Variants in DLC1 observed in about 807,000 individuals in gnomAD.
DLC1 encodes DLC1 Rho GTPase activating protein.
A neutral mutation model predicts 140.3 loss-of-function variants in DLC1; 54 were observed. The ratio of observed to expected loss-of-function variants is 0.38; its 90% confidence interval spans 0.31 to 0.48. The LOEUF is 0.48. Ranked by LOEUF, DLC1 falls within the 20% of genes least tolerant of loss-of-function variation. DLC1 has a pLI of 0.96. For missense variants in DLC1, 2,536 were observed against 1,907.0 expected, an observed-to-expected ratio of 1.33 and a Z score of -6.14; for synonymous variants, 986 against 728.1, an observed-to-expected ratio of 1.35 and a Z score of -5.70.
intron 1 of DLC1, among the ~76,000 whole-genome samples, chr8:13,536,717 C>G (rs2170396): frequency 0.56 from 85,296 of 151,986 alleles, 24,953 homozygotes; most frequent in East Asian, 0.74. Context: ...CAGCCTTGTA[C>G]AGGGATCTAG....
At chr8:13,233,102 C>T (rs1829123509) in intron 5 of DLC1, among the ~76,000 whole-genome samples, 1 of 151,878 alleles carries the variant, frequency 6.6e-6, no homozygotes, top group Admixed American at 6.6e-5. Flanking sequence ...TGAGACCAGC[C>T]TGGCCAACAT....
chr8:13,499,046 T>C lies in DLC1; in HGVS notation c.1023+3A>G. On this transcript the variant is annotated splice_donor_region_variant and intron_variant, in intron 2 of 17. Coordinates refer to ENST00000276297, the MANE Select transcript of DLC1 (RefSeq NM_182643.3). ...AGCCAGAGAATCTGTGCATATGTCT[T>C]ACCTTTCTCTTACGAAGTCTGACTT... 6.2e-7 allele frequency: 1 copy of C among 1,605,596 alleles called. No individual in the cohort carries two copies. The highest frequency in any genetic ancestry group is 1.1e-5 in the South Asian group (1 of 90,116).
intron 5 of DLC1, among the ~76,000 whole-genome samples, chr8:13,139,954 A>T (rs954511505): frequency 6.6e-6 from 1 of 152,234 alleles, no homozygotes; most frequent in African/African-American, 2.4e-5. Context: ...GTCTAGTAGC[A>T]TTAAGTACAG....
intron 1 of DLC1, among the ~76,000 whole-genome samples, chr8:13,561,688 C>T (rs1006331301): frequency 1.3e-5 from 2 of 152,118 alleles, no homozygotes; most frequent in East Asian, 1.9e-4. Context: ...TAGCAGTTTA[C>T]AGGGAAATTT....
chr8:13,148,403 T>C (rs557822205), intron 5 of DLC1, among the ~76,000 whole-genome samples: 1 of 152,328 alleles, frequency 6.6e-6, no homozygotes, highest in East Asian at 1.9e-4. Flanking sequence ...TCTGTTCCTG[T>C]TAGTTTGCTG....
At chr8:13,454,471 T>C (rs935071987) in intron 2 of DLC1, among the ~76,000 whole-genome samples, 2 of 152,180 alleles carry the variant, frequency 1.3e-5, no homozygotes, top group African/African-American at 4.8e-5. Context: ...ATTTCAACAA[T>C]ACTGCAGAGA....
intron 2 of DLC1, among the ~76,000 whole-genome samples, chr8:13,429,133 G>A (rs774057664): frequency 3.3e-5 from 5 of 152,132 alleles, no homozygotes; most frequent in Admixed American, 6.5e-5. Context: ...CCTCAATGGC[G>A]TTTAAGGTGT....
chr8:13,417,508 A>G (rs1484136048), intron 2 of DLC1, among the ~76,000 whole-genome samples: 11 of 151,466 alleles, frequency 7.3e-5, no homozygotes, highest in East Asian at 1.9e-4. Flanking sequence ...ATGATTTCCA[A>G]TTTCATCCAT....
At chr8:13,598,175 A>G (rs1444423706) in intron 1 of DLC1, among the ~76,000 whole-genome samples, 1 of 152,160 alleles carries the variant, frequency 6.6e-6, no homozygotes, top group Non-Finnish European at 1.5e-5. Context: ...AGTAAAAAAG[A>G]TTTTTGAAGA....
At chr8:13,396,346 G>C (rs1054701615) in intron 3 of DLC1, among the ~76,000 whole-genome samples, 2 of 152,070 alleles carry the variant, frequency 1.3e-5, no homozygotes, top group African/African-American at 4.8e-5. Context: ...GACGTGAGCT[G>C]CTGCGCCTGG....
At position 13,552,886 on chromosome 8, in the gene DLC1, A is replaced by G. The variant is rs370428502; in HGVS notation, c.-126+51651T>C. Among the ~76,000 whole-genome samples the G allele has an allele frequency of 1.3e-3, 198 of 152,068 alleles. 1 individual carries two copies. The highest frequency in any genetic ancestry group is 2.6e-3 in the Non-Finnish European group (174 of 67,904). On this transcript the variant is annotated intron_variant, in intron 1 of 1. Transcript: ENST00000631382. ...ATAAACTAAATCTTTTCTAGAGAGCATTAATATGTATTTCACAATGAAGCT... is the reference window on the plus strand; with the variant it reads ...ATAAACTAAATCTTTTCTAGAGAGCGTTAATATGTATTTCACAATGAAGCT...
intron 5 of DLC1, among the ~76,000 whole-genome samples, chr8:13,242,487 C>T (rs966945067): frequency 1.3e-5 from 2 of 151,946 alleles, no homozygotes; most frequent in Non-Finnish European, 2.9e-5. Flanking sequence ...CCTTGACCTC[C>T]CGGGCTCAAT....
intron 5 of DLC1, among the ~76,000 whole-genome samples, chr8:13,148,720 T>C (rs1264098719): frequency 1.3e-5 from 2 of 152,142 alleles, no homozygotes; most frequent in Admixed American, 1.3e-4. Flanking sequence ...GGCTCTATGC[T>C]CTCCCTTCTC....
chr8:13,139,643 A>G (rs1226756301), intron 5 of DLC1, among the ~76,000 whole-genome samples: 1 of 152,220 alleles, frequency 6.6e-6, no homozygotes, highest in Non-Finnish European at 1.5e-5. Flanking sequence ...GACAGTAGGA[A>G]TTCCTTTTAA....
At chr8:13,132,714 G>T (rs1307613788) in intron 5 of DLC1, among the ~76,000 whole-genome samples, 1 of 152,126 alleles carries the variant, frequency 6.6e-6, no homozygotes, top group Non-Finnish European at 1.5e-5. Context: ...CGGTCCCCAG[G>T]CAAAAGGTAA....
chr8:13,401,107 A>G (rs78027708), intron 3 of DLC1, among the ~76,000 whole-genome samples: 5,264 of 152,282 alleles, frequency 0.035, 118 homozygotes, highest in South Asian at 0.076. Context: ...TATATGCAAT[A>G]CAGATTTGTG....
chr8:13,091,437 G>A lies in DLC1; in HGVS notation c.3741-5C>T, dbSNP rs1376000298. Reference sequence around the variant, plus strand: ...CTTTGTTTTCTTTGCATTACCCTAGGTAGAAGAAATACAGGAGGGGAACAG... The same window carrying A: ...CTTTGTTTTCTTTGCATTACCCTAGATAGAAGAAATACAGGAGGGGAACAG... On this transcript the variant is annotated splice_polypyrimidine_tract_variant and splice_region_variant and intron_variant, in intron 13 of 17. Transcript: ENST00000276297. 5 of 1,611,518 alleles carry A rather than the reference G, an allele frequency of 3.1e-6. No individual in the cohort carries two copies. Among genetic ancestry groups the A allele is most frequent in the Non-Finnish European group, 4.2e-6 (5 of 1,177,900 alleles).
At chr8:13,212,704 C>T (rs971917034) in intron 5 of DLC1, among the ~76,000 whole-genome samples, 37 of 152,058 alleles carry the variant, frequency 2.4e-4, no homozygotes, top group Admixed American at 2.0e-4. Flanking sequence ...TGTGCTTTCT[C>T]GAGTGGCTTT....
chr8:13,148,179 C>T (rs1823570136), intron 5 of DLC1, among the ~76,000 whole-genome samples: 1 of 151,828 alleles, frequency 6.6e-6, no homozygotes, highest in African/African-American at 2.4e-5. Flanking sequence ...AAACTTGTTA[C>T]ATAGGTAAAC....
Sources: allele counts gnomAD v4.1 joint callset (sites outside exome capture counted in the v4.1 genomes callset), GRCh38; gene constraint gnomAD v4.1.1; transcripts MANE v1.5; gene names NCBI Gene and HGNC (gene_info 2026-07-23, HGNC 2026-07-21).